Variants in SLC4A7 observed in about 807,000 individuals in gnomAD.
The protein encoded by SLC4A7 is sodium bicarbonate cotransporter 3.
In SLC4A7, 51 loss-of-function variants were observed where a neutral mutation model predicts 137.6. The observed-to-expected ratio is 0.37, with a 90% CI of 0.30 to 0.47. The LOEUF (loss-of-function observed/expected upper bound fraction) is 0.47. Among genes scored for constraint, SLC4A7 ranks in the 20% least tolerant of loss-of-function variants. The pLI, the probability that SLC4A7 is intolerant of heterozygous loss-of-function variation, is 1.00. For missense variants in SLC4A7, 1,247 were observed against 1,525.4 expected (o/e 0.82, Z 3.04); for synonymous variants, 542 against 518.6 (o/e 1.05, Z -0.61).
chr3:27,436,144 A>G (rs763887306), intron 5 of SLC4A7, among the ~76,000 whole-genome samples: 8 of 152,166 alleles, frequency 5.3e-5, no homozygotes, highest in Non-Finnish European at 7.3e-5. Context: ...GGAAACAAAA[A>G]ACTCTTTTCT....
intron 18 of SLC4A7, 119 bp downstream of exon 18, chr3:27,397,565 C>G (rs576659708): frequency 1.6e-6 from 1 of 635,898 alleles, no homozygotes; most frequent in South Asian, 1.9e-5. Flanking sequence ...CCTTTCAAAG[C>G]ATCAGCCCTT....
Position 27,376,645 on chromosome 3 carries a change from T to C in SLC4A7, c.*119A>G. ...TCATTACAAACTCCAGACACTACTT[T>C]TAAAAACCCGGTAGTCACACATAAA... On this transcript the variant is annotated 3_prime_UTR_variant, in exon 26 of 26. Coordinates refer to ENST00000454389, the MANE Select transcript of SLC4A7 (RefSeq NM_001321103.2). 1 of 587,136 alleles carries C rather than the reference T, an allele frequency of 1.7e-6. No homozygotes were observed. The highest frequency in any genetic ancestry group is 3.0e-6 in the Non-Finnish European group (1 of 335,832). 36.4% of individuals were successfully genotyped at this position (587,136 alleles called of 1,614,324 possible). A position where few individuals can be genotyped will look rare whatever the true frequency, so the allele number is the denominator to read the frequency against.
chr3:27,409,298 T>C (rs1335010205), intron 13 of SLC4A7, 58 bp downstream of exon 13: 2 of 1,339,108 alleles, frequency 1.5e-6, no homozygotes, highest in South Asian at 1.4e-5. Flanking sequence ...GACAAATGCA[T>C]ACAGACACTT....
intron 1 of SLC4A7, 135 bp downstream of exon 1, chr3:27,483,932 G>A (rs2059832586): frequency 5.0e-6 from 3 of 600,034 alleles, no homozygotes; most frequent in African/African-American, 3.9e-5. Flanking sequence ...AGGCGCGCCG[G>A]CCGCCGGGAG....
At chr3:27,399,035 C>A (rs2052488972) in intron 16 of SLC4A7, among the ~76,000 whole-genome samples, 1 of 149,934 alleles carries the variant, frequency 6.7e-6, no homozygotes, top group Non-Finnish European at 1.5e-5. Flanking sequence ...GAAAGGCAAT[C>A]AGAGATTAAT....
chr3:27,387,739 C>G (rs1309786755), intron 22 of SLC4A7, among the ~76,000 whole-genome samples: 1 of 152,076 alleles, frequency 6.6e-6, no homozygotes, highest in South Asian at 2.1e-4. Flanking sequence ...TTGAAGAACA[C>G]CATGTGACAA....
chr3:27,396,448 A>G (rs1410314398), intron 18 of SLC4A7, among the ~76,000 whole-genome samples: 1 of 152,126 alleles, frequency 6.6e-6, no homozygotes, highest in Non-Finnish European at 1.5e-5. Context: ...TTTTGAACCA[A>G]TATTAATTCA....
At chr3:27,422,924 C>T (rs1376420323) in intron 8 of SLC4A7, 29 of 407,988 alleles carry the variant, frequency 7.1e-5, no homozygotes, top group Non-Finnish European at 1.4e-4. Flanking sequence ...CAAAAATAAA[C>T]GGCAACTGCC....
chr3:27,397,612 A>G (rs1559657933), intron 18 of SLC4A7, 72 bp downstream of exon 18: 1 of 740,650 alleles, frequency 1.4e-6, no homozygotes, highest in Non-Finnish European at 2.4e-6. Context: ...ATAACTACTG[A>G]GAAAATAGTA....
At chr3:27,389,756 A>G (rs911510085) in intron 22 of SLC4A7, among the ~76,000 whole-genome samples, 175 bp downstream of exon 22, 15 of 152,192 alleles carry the variant, frequency 9.9e-5, no homozygotes, top group Non-Finnish European at 1.9e-4. Context: ...AAAGTAATAA[A>G]ATTGAAGCTG....
intron 7 of SLC4A7, among the ~76,000 whole-genome samples, chr3:27,427,073 G>T (rs1240959991): frequency 6.6e-6 from 1 of 152,152 alleles, no homozygotes. Context: ...TGCCCAACTA[G>T]GAAAGATTAT....
intron 6 of SLC4A7, 108 bp downstream of exon 6, chr3:27,433,808 A>T (rs984064554): frequency 1.2e-6 from 1 of 850,108 alleles, no homozygotes; most frequent in African/African-American, 1.7e-5. Flanking sequence ...AGTAATTCAG[A>T]GGTAGGTATA....
At chr3:27,473,901 C>T (rs1308477482) in intron 1 of SLC4A7, among the ~76,000 whole-genome samples, 1 of 151,832 alleles carries the variant, frequency 6.6e-6, no homozygotes, top group Non-Finnish European at 1.5e-5. Flanking sequence ...TATCACTTTA[C>T]CCAATAAAAT....
chr3:27,373,282 AG>A lies in SLC4A7; in HGVS notation c.*3481del, dbSNP rs2149962651. The A allele has an allele frequency of 6.6e-6, 1 of 152,262 alleles. No individual in the cohort carries two copies. Among genetic ancestry groups the A allele is most frequent in the African/African-American group, 2.4e-5 (1 of 41,588 alleles). The allele number at this position is 152,262 out of a possible 1,614,324, so 9.4% of individuals were successfully genotyped here. On this transcript the variant is annotated 3_prime_UTR_variant, in exon 26 of 26. Coordinates refer to ENST00000454389, the MANE Select transcript of SLC4A7 (RefSeq NM_001321103.2). ...TTTCCTATAATTGACATTTAATGTT[AG>A]TTTTTGAAAAGTTAGAAAAGAAACC...
rs2055163565 is a variant in SLC4A7, at chr3:27,423,070, AG to A, written c.1266+966del. On this transcript the variant is annotated intron_variant, in intron 8 of 25. Transcript: ENST00000454389. ...CAGTAAAATGTGATCAGGATAGATC[AG>A]AAAAATTTAAAATACAACAGCCTTT... 2.0e-5 allele frequency among the ~76,000 whole-genome samples: 3 copies of A among 152,258 alleles called. No homozygotes were observed. In the South Asian group the frequency reaches 6.2e-4, roughly 31 times the overall value.
At chr3:27,483,136 A>C (rs115370976) in intron 1 of SLC4A7, among the ~76,000 whole-genome samples, 1 of 152,216 alleles carries the variant, frequency 6.6e-6, no homozygotes, top group Non-Finnish European at 1.5e-5. Flanking sequence ...AATTTAGAAT[A>C]CTTCCATCTC....
At chr3:27,418,991 A>G (rs191317579) in intron 10 of SLC4A7, among the ~76,000 whole-genome samples, 176 of 152,238 alleles carry the variant, frequency 1.2e-3, no homozygotes, top group Admixed American at 1.9e-3. Flanking sequence ...ATAATCATGG[A>G]TATGCAAACA....
chr3:27,451,842 A>T (rs908711631), intron 2 of SLC4A7, among the ~76,000 whole-genome samples: 7 of 152,162 alleles, frequency 4.6e-5, no homozygotes, highest in African/African-American at 1.7e-4. Context: ...AAATGTTAAC[A>T]TTAGGAGAAA....
At chr3:27,395,147 G>T in intron 18 of SLC4A7, 32 bp from the exon 19 acceptor site, 1 of 1,517,380 alleles carries the variant, frequency 6.6e-7, no homozygotes, top group Non-Finnish European at 8.8e-7. Flanking sequence ...TTTTCAAAAA[G>T]TCTCCTTGCT....
Sources: allele counts gnomAD v4.1 joint callset (sites outside exome capture counted in the v4.1 genomes callset), GRCh38; gene constraint gnomAD v4.1.1; transcripts MANE v1.5; gene names NCBI Gene and HGNC (gene_info 2026-07-23, HGNC 2026-07-21).